ASGR2: variants seen among roughly 807,000 people sequenced by gnomAD.
The protein encoded by ASGR2 is asialoglycoprotein receptor 2.
In ASGR2, 34 loss-of-function variants were observed where a neutral mutation model predicts 32.3. That is an observed-to-expected ratio of 1.05 (90% CI 0.80 to 1.40). The LOEUF (loss-of-function observed/expected upper bound fraction) is 1.40. Among genes scored for constraint, ASGR2 ranks in the 40% most tolerant of loss-of-function variants. The probability of loss-of-function intolerance (pLI) is 0.00; values close to 1 mark genes in which losing one functional copy is unlikely to be tolerated. For synonymous variants in ASGR2, 143 were observed against 150.0 expected, an observed-to-expected ratio of 0.95 and a Z score of 0.34; for missense variants, 385 against 386.4, an observed-to-expected ratio of 1.00 and a Z score of 0.03.
At chr17:7,105,152 CA>C (rs951698083) in intron 7 of ASGR2, among the ~76,000 whole-genome samples, 1 of 151,816 alleles carries the variant, frequency 6.6e-6, no homozygotes, top group African/African-American at 2.4e-5. Context: ...TAAAGTTATA[CA>C]AGTAATCACT....
In ASGR2 at chr17:7,101,715, T is replaced by C. The variant is rs1307482453; in HGVS notation, c.781A>G (p.Asn261Asp). 1.9e-6 allele frequency: 3 copies of C among 1,613,988 alleles called. No individual in the cohort carries two copies. The highest frequency in any genetic ancestry group is 3.3e-5 in the Admixed American group (2 of 60,004). The stretch of plus-strand genomic sequence containing the variant: ...CCACCCAGCTCGTGCCCGTGCCAAT[T>C]ATCTGGCTGAGTGACAGCCCAGTTC... ...YKNWAVTQPDNWHGHELGGSE... is the reference protein window; with the variant it reads ...YKNWAVTQPDDWHGHELGGSE... Residue 261 changes from asparagine (N) to aspartate (D), a missense_variant, in exon 9 of 9, where the codon AAT becomes GAT. Physicochemically the swap from Asn to Asp is conservative, Grantham distance 23. Coordinates refer to ENST00000691900, the MANE Select transcript of ASGR2 (RefSeq NM_001201352.2).
At chr17:7,110,818 G>A (rs1914531494) in intron 2 of ASGR2, among the ~76,000 whole-genome samples, 1 of 152,178 alleles carries the variant, frequency 6.6e-6, no homozygotes, top group Admixed American at 6.5e-5. Context: ...TGGACATCAG[G>A]CAAGGAGGAG....
In ASGR2 at chr17:7,107,186, C is replaced by A; in HGVS notation, c.497-35G>T. ...CAGGGGGCAGGGAGATGAGATCCAGCCGGAGGGGCAGGCACACTGGGCCTG... is the reference window on the plus strand; with the variant it reads ...CAGGGGGCAGGGAGATGAGATCCAGACGGAGGGGCAGGCACACTGGGCCTG... On this transcript the variant is annotated intron_variant, in intron 6 of 8. Transcript: ENST00000691900. The surrounding 1 kb of genome is among the most constrained non-coding windows in gnomAD (Gnocchi z 5.0). 1.2e-6 allele frequency: 2 copies of A among 1,614,180 alleles called. No individual in the cohort carries two copies. Among genetic ancestry groups the A allele is most frequent in the Non-Finnish European group, 1.7e-6 (2 of 1,180,016 alleles).
rs181469529 is a variant in ASGR2, at chr17:7,111,611, G to C, written c.124+2506C>G. 3.3e-5 allele frequency among the ~76,000 whole-genome samples: 5 copies of C among 150,284 alleles called. No homozygotes were observed. The South Asian group carries it at 8.4e-4, about 25-fold the overall frequency. On this transcript the variant is annotated intron_variant, in intron 2 of 8. Coordinates refer to ENST00000691900, the MANE Select transcript of ASGR2 (RefSeq NM_001201352.2). ...GCAGAGCTTGCAGTGAGCCAAGATC[G>C]CGCCACTGCACTCCGGCCTGGGCAA...
In ASGR2 at chr17:7,113,995, C is replaced by T. The variant is rs942718477; in HGVS notation, c.124+122G>A. 55 of 1,420,606 alleles carry T rather than the reference C, an allele frequency of 3.9e-5. 1 individual carries two copies. In the South Asian group the frequency reaches 6.1e-4, roughly 16 times the overall value. 88.0% of individuals were successfully genotyped at this position (1,420,606 alleles called of 1,614,324 possible). Reference sequence around the variant, plus strand: ...CAGGAAGGTGAGGTGAGGGAACAAGCGGGGGTGTCGGGCCCTCCTCAGTCC... The same window carrying T: ...CAGGAAGGTGAGGTGAGGGAACAAGTGGGGGTGTCGGGCCCTCCTCAGTCC... On this transcript the variant is annotated intron_variant, in intron 2 of 8. Coordinates refer to ENST00000691900, the MANE Select transcript of ASGR2 (RefSeq NM_001201352.2). The surrounding 1 kb of genome is among the most constrained non-coding windows in gnomAD (Gnocchi z 5.1).
intron 2 of ASGR2, among the ~76,000 whole-genome samples, chr17:7,112,517 C>T (rs1914845965): frequency 6.6e-6 from 1 of 152,206 alleles, no homozygotes; most frequent in Non-Finnish European, 1.5e-5. Context: ...GAAGATTCAG[C>T]AGCATCCCGT....
At chr17:7,103,729 C>T (rs60758821) in intron 7 of ASGR2, among the ~76,000 whole-genome samples, 1 of 152,066 alleles carries the variant, frequency 6.6e-6, no homozygotes, top group Non-Finnish European at 1.5e-5. Flanking sequence ...GAAAAATAGA[C>T]TTTGAAAAGA....
chr17:7,108,558 C>CT lies in ASGR2; in HGVS notation c.242-2dup. 6.2e-7 allele frequency: 1 copy of CT among 1,607,558 alleles called. No homozygotes were observed. The highest frequency in any genetic ancestry group is 8.5e-7 in the Non-Finnish European group (1 of 1,177,426). On this transcript the variant is annotated splice_acceptor_variant, in intron 3 of 8. Coordinates refer to ENST00000691900, the MANE Select transcript of ASGR2 (RefSeq NM_001201352.2). LOFTEE classifies it high-confidence loss of function. The surrounding 1 kb of genome is among the most constrained non-coding windows in gnomAD (Gnocchi z 4.9). Reference sequence around the variant, plus strand: ...CGCAGCTCGGCTTGCAGCTGTGCACCTTGTCAGGTGGTAGTGGGGGCAGGA... The same window carrying CT: ...CGCAGCTCGGCTTGCAGCTGTGCACCTTTGTCAGGTGGTAGTGGGGGCAGGA...
chr17:7,102,062 CAAG>C (rs757652419), intron 8 of ASGR2, 25 bp downstream of exon 8: 3 of 1,596,672 alleles, frequency 1.9e-6, no homozygotes, highest in Non-Finnish European at 2.6e-6. Flanking sequence ...AGAAATCTAA[CAAG>C]GAGATGAGGG....
upstream of ASGR2, chr17:7,115,053 C>G: frequency 1.0e-6 from 1 of 967,856 alleles, no homozygotes; most frequent in Non-Finnish European, 1.2e-6. The surrounding 1 kb of genome is among the most constrained non-coding windows in gnomAD (Gnocchi z 4.2). Flanking sequence ...TCCGAATTTA[C>G]CAGAACTGTG....
rs949768013 is a variant in ASGR2 at position 7,113,145 on chromosome 17, A to T, written c.124+972T>A. On this transcript the variant is annotated intron_variant, in intron 2 of 8. Transcript: ENST00000691900. The surrounding 1 kb of genome is among the most constrained non-coding windows in gnomAD (Gnocchi z 5.1). ...CTACACTCCTGTCTCTAAAAAAAAA[A>T]TGTCCAAGATACTTAGGTCCTTCAG... Among the ~76,000 whole-genome samples, 1 of 151,994 alleles carries T rather than the reference A, an allele frequency of 6.6e-6. No homozygotes were observed. Among genetic ancestry groups the T allele is most frequent in the African/African-American group, 2.4e-5 (1 of 41,372 alleles).
At position 7,107,517 on chromosome 17, in the gene ASGR2, A is replaced by G. The variant is rs1913929367; in HGVS notation, c.410-200T>C. 1 of 654,368 alleles carries G rather than the reference A, an allele frequency of 1.5e-6. No homozygotes were observed. The highest frequency in any genetic ancestry group is 2.7e-5 in the East Asian group (1 of 36,408). 40.5% of individuals were successfully genotyped at this position (654,368 alleles called of 1,614,324 possible). A position where few individuals can be genotyped will look rare whatever the true frequency, so the allele number is the denominator to read the frequency against. On this transcript the variant is annotated intron_variant, in intron 5 of 8. Transcript: ENST00000691900. The surrounding 1 kb of genome is among the most constrained non-coding windows in gnomAD (Gnocchi z 5.0). ...ACACAGATCCATCACACACACACAA[A>G]CACACCAAGAGACACACCACACACA...
chr17:7,111,256 T>A (rs1157291645), intron 2 of ASGR2, among the ~76,000 whole-genome samples: 1 of 152,218 alleles, frequency 6.6e-6, no homozygotes, highest in East Asian at 1.9e-4. Context: ...GTAAAACAGA[T>A]ATTATAGCCA....
chr17:7,108,913 C>T lies in ASGR2; in HGVS notation c.125-25G>A, dbSNP rs1180713201. 25 of 1,549,920 alleles carry T rather than the reference C, an allele frequency of 1.6e-5. No homozygotes were observed. Among genetic ancestry groups the T allele is most frequent in the Middle Eastern group, 1.7e-4 (1 of 5,738 alleles). On this transcript the variant is annotated intron_variant, in intron 2 of 8. Coordinates refer to ENST00000691900, the MANE Select transcript of ASGR2 (RefSeq NM_001201352.2). The surrounding 1 kb of genome is among the most constrained non-coding windows in gnomAD (Gnocchi z 4.9). Reference sequence around the variant, plus strand: ...CCTGTGGGAGAGGGGCATCAGGAGCCGGCAGCCTGGGTGTGGGGAGCCGGA... The same window carrying T: ...CCTGTGGGAGAGGGGCATCAGGAGCTGGCAGCCTGGGTGTGGGGAGCCGGA...
intron 7 of ASGR2, among the ~76,000 whole-genome samples, chr17:7,104,262 C>T (rs757433961): frequency 4.0e-5 from 6 of 148,202 alleles, no homozygotes; most frequent in Non-Finnish European, 7.4e-5. Context: ...GCAGGAGAAT[C>T]GCTTGAACCT....
rs985917142 is a variant in ASGR2 at position 7,103,328 on chromosome 17, C to T, written c.649-1132G>A. On this transcript the variant is annotated intron_variant, in intron 7 of 8. Transcript: ENST00000691900. The stretch of plus-strand genomic sequence containing the variant: ...CAAAGTCCCATGCATGAAGGGGCAG[C>T]CCTCAGAGGCAGGTGAGGCTGCTCC... Among the ~76,000 whole-genome samples, 8 of 152,346 alleles carry T rather than the reference C, an allele frequency of 5.3e-5. No individual in the cohort carries two copies. The South Asian group carries it at 1.7e-3, about 32-fold the overall frequency.
chr17:7,107,501 C>G lies in ASGR2; in HGVS notation c.410-184G>C. On this transcript the variant is annotated intron_variant, in intron 5 of 8. Transcript: ENST00000691900. The surrounding 1 kb of genome is among the most constrained non-coding windows in gnomAD (Gnocchi z 5.0). ...ACATAGACCACACCACACACAGATC[C>G]ATCACACACACACAAACACACCAAG... is the stretch of plus-strand genomic sequence containing the variant. 1 of 669,616 alleles carries G rather than the reference C, an allele frequency of 1.5e-6. No individual in the cohort carries two copies. The highest frequency in any genetic ancestry group is 1.8e-5 in the South Asian group (1 of 55,820). The allele number at this position is 669,616 out of a possible 1,614,324, so 41.5% of individuals were successfully genotyped here.
rs1913900902 is a variant in ASGR2 at position 7,107,381 on chromosome 17, G to A, written c.410-64C>T. ...GTCCCCACCTGCTAGGCTCCAGCCT[G>A]TGGCTGGGGAAGCATATACACCCAC... On this transcript the variant is annotated intron_variant, in intron 5 of 8. Coordinates refer to ENST00000691900, the MANE Select transcript of ASGR2 (RefSeq NM_001201352.2). This position sits in a 1 kb window ranked among gnomAD's most constrained non-coding sequence, Gnocchi z 5.0. 2 of 1,548,836 alleles carry A rather than the reference G, an allele frequency of 1.3e-6. No homozygotes were observed. Among genetic ancestry groups the A allele is most frequent in the Non-Finnish European group, 1.8e-6 (2 of 1,137,682 alleles).
intron 2 of ASGR2, among the ~76,000 whole-genome samples, chr17:7,109,173 A>C (rs1030810881): frequency 1.3e-5 from 2 of 151,244 alleles, no homozygotes; most frequent in African/African-American, 4.9e-5. Flanking sequence ...CAAAGCCCGG[A>C]TCCTGGAGCT....
Sources: allele counts gnomAD v4.1 joint callset (sites outside exome capture counted in the v4.1 genomes callset), GRCh38; gene constraint gnomAD v4.1.1; non-coding constraint Gnocchi (gnomAD v3.1); transcripts MANE v1.5; gene names NCBI Gene and HGNC (gene_info 2026-07-23, HGNC 2026-07-21).